Variants in HHAT observed in about 807,000 individuals in gnomAD.
HHAT encodes hedgehog acyltransferase.
In HHAT, 47 loss-of-function variants were observed where a neutral mutation model predicts 70.8. The ratio of observed to expected loss-of-function variants is 0.66; its 90% CI spans 0.53 to 0.85. The LOEUF is 0.85. HHAT is among the 40% of genes least tolerant of loss of function. HHAT has a pLI of 0.00. For missense variants in HHAT, 609 were observed against 604.8 expected, an observed-to-expected ratio of 1.01 and a Z score of -0.07; for synonymous variants, 228 against 247.6, an observed-to-expected ratio of 0.92 and a Z score of 0.74.
chr1:210,465,703 T>C (rs965526178), intron 8 of HHAT, among the ~76,000 whole-genome samples: 3 of 152,248 alleles, frequency 2.0e-5, no homozygotes, highest in Non-Finnish European at 2.9e-5. Context: ...CCATATCTAA[T>C]GTTGCCATTC....
At chr1:210,419,007 T>C (rs2092811451) in intron 7 of HHAT, among the ~76,000 whole-genome samples, 2 of 151,444 alleles carry the variant, frequency 1.3e-5, no homozygotes, top group Non-Finnish European at 3.0e-5. Flanking sequence ...CACTCCAGCC[T>C]GGGTGACAAA....
At chr1:210,467,813 A>G (rs570184172) in intron 8 of HHAT, among the ~76,000 whole-genome samples, 1 of 152,268 alleles carries the variant, frequency 6.6e-6, no homozygotes, top group Non-Finnish European at 1.5e-5. Flanking sequence ...ATGGAGCCAT[A>G]CCCTCCTGAA....
At chr1:210,495,947 G>A (rs563614678) in intron 8 of HHAT, among the ~76,000 whole-genome samples, 1 of 138,036 alleles carries the variant, frequency 7.2e-6, no homozygotes, top group African/African-American at 2.8e-5. Context: ...GGAGGCAGAG[G>A]TTGCAGTGAA....
At chr1:210,350,368 A>G (rs912184017) in intron 2 of HHAT, among the ~76,000 whole-genome samples, 5 of 152,236 alleles carry the variant, frequency 3.3e-5, no homozygotes, top group African/African-American at 1.2e-4. Flanking sequence ...AGTTGGGAAG[A>G]ACTGACATCT....
intron 10 of HHAT, among the ~76,000 whole-genome samples, chr1:210,606,259 A>ATT (rs143314769): frequency 2.6e-5 from 4 of 151,064 alleles, no homozygotes; most frequent in African/African-American, 9.7e-5. Flanking sequence ...TAATAACTTC[A>ATT]TTTTTTTTTG....
At chr1:210,507,587 T>C (rs545062681) in intron 8 of HHAT, among the ~76,000 whole-genome samples, 1 of 151,914 alleles carries the variant, frequency 6.6e-6, no homozygotes, top group Non-Finnish European at 1.5e-5. Flanking sequence ...TCTTGAACTC[T>C]TGACCTTGTG....
chr1:210,572,913 A>C (rs1183445001), intron 9 of HHAT, among the ~76,000 whole-genome samples: 1 of 152,078 alleles, frequency 6.6e-6, no homozygotes, highest in Non-Finnish European at 1.5e-5. Flanking sequence ...TCCCCTGTGC[A>C]TTTTGCAGTT....
At chr1:210,385,231 T>C (rs1402588931) in intron 3 of HHAT, among the ~76,000 whole-genome samples, 1 of 150,150 alleles carries the variant, frequency 6.7e-6, no homozygotes, top group African/African-American at 2.5e-5. Context: ...AATGTTGTAT[T>C]TAAAAAGCTC....
intron 11 of HHAT, among the ~76,000 whole-genome samples, chr1:210,650,306 T>C (rs1003722232): frequency 6.6e-6 from 1 of 152,174 alleles, no homozygotes; most frequent in Admixed American, 6.5e-5. Flanking sequence ...AGCTAACAAG[T>C]GATGGAGCTC....
intron 10 of HHAT, among the ~76,000 whole-genome samples, chr1:210,616,066 T>G (rs1667662390): frequency 6.6e-6 from 1 of 152,208 alleles, no homozygotes; most frequent in Non-Finnish European, 1.5e-5. Context: ...CCCCCCACTT[T>G]AAAAATTTTT....
At chr1:210,659,001 G>A (rs989667985) in intron 11 of HHAT, among the ~76,000 whole-genome samples, 1 of 152,096 alleles carries the variant, frequency 6.6e-6, no homozygotes, top group Non-Finnish European at 1.5e-5. Context: ...ATCTAAAATC[G>A]ACATCCTAAC....
At chr1:210,500,267 C>A (rs2094728002) in intron 8 of HHAT, among the ~76,000 whole-genome samples, 1 of 152,174 alleles carries the variant, frequency 6.6e-6, no homozygotes, top group African/African-American at 2.4e-5. Flanking sequence ...TCACAAACTG[C>A]TGAAGGGTAG....
chr1:210,666,935 C>G (rs771115291), intron 11 of HHAT, among the ~76,000 whole-genome samples: 1 of 151,826 alleles, frequency 6.6e-6, no homozygotes, highest in Non-Finnish European at 1.5e-5. Context: ...AAAAAATTAG[C>G]TGGGCGCAGT....
chr1:210,451,519 A>C lies in HHAT; in HGVS notation c.857-12986A>C, dbSNP rs187397787. Reference sequence around the variant, plus strand: ...AGTATTTGGAAAATTAAAACAACAGAAAGGTAATTTCTATTTTTCCAAGAA... The same window carrying C: ...AGTATTTGGAAAATTAAAACAACAGCAAGGTAATTTCTATTTTTCCAAGAA... On this transcript the variant is annotated intron_variant, in intron 7 of 11. Coordinates refer to ENST00000261458, the MANE Select transcript of HHAT (RefSeq NM_018194.6). Among the ~76,000 whole-genome samples, 206 of 152,334 alleles carry C rather than the reference A, an allele frequency of 1.4e-3. 1 individual carries two copies. Among genetic ancestry groups the C allele is most frequent in the African/African-American group, 4.9e-3 (204 of 41,582 alleles).
At position 210,361,247 on chromosome 1, in the gene HHAT, C is replaced by T. The variant is rs1007102205; in HGVS notation, c.92-1605C>T. ...TTTCTGTTACTTCTTTGTTGGATCA[C>T]AGTAACTTGTCATTTGTTTGCCAAT... is the stretch of plus-strand genomic sequence containing the variant. On this transcript the variant is annotated intron_variant, in intron 2 of 11. Coordinates refer to ENST00000261458, the MANE Select transcript of HHAT (RefSeq NM_018194.6). Among the ~76,000 whole-genome samples, 7 of 152,358 alleles carry T rather than the reference C, an allele frequency of 4.6e-5. No individual in the cohort carries two copies. The East Asian group carries it at 1.2e-3, about 25-fold the overall frequency.
chr1:210,542,566 G>A (rs1213151452), intron 9 of HHAT, among the ~76,000 whole-genome samples: 1 of 151,902 alleles, frequency 6.6e-6, no homozygotes, highest in Admixed American at 6.6e-5. Flanking sequence ...GGGAGGCTGA[G>A]TTGGGAGGAT....
At chr1:210,655,163 T>G (rs578150183) in intron 11 of HHAT, among the ~76,000 whole-genome samples, 1 of 152,264 alleles carries the variant, frequency 6.6e-6, no homozygotes, top group Non-Finnish European at 1.5e-5. Context: ...ATTAACCCCA[T>G]GTAAAGATTA....
chr1:210,456,188 ACT>A (rs1419260199), intron 7 of HHAT, among the ~76,000 whole-genome samples: 1 of 152,092 alleles, frequency 6.6e-6, no homozygotes, highest in African/African-American at 2.4e-5. Flanking sequence ...GCCCCAAATC[ACT>A]CTCTAATCCA....
chr1:210,448,739 G>A (rs553497497), intron 7 of HHAT, among the ~76,000 whole-genome samples: 60 of 152,206 alleles, frequency 3.9e-4, no homozygotes, highest in African/African-American at 1.4e-3. Context: ...ACTTACTCTA[G>A]TTTTCAGATT....
Sources: allele counts gnomAD v4.1 joint callset (sites outside exome capture counted in the v4.1 genomes callset), GRCh38; gene constraint gnomAD v4.1.1; transcripts MANE v1.5; gene names NCBI Gene and HGNC (gene_info 2026-07-23, HGNC 2026-07-21).